Variants in NAE1 observed in about 807,000 individuals in gnomAD.
NAE1 encodes NEDD8 activating enzyme E1 subunit 1.
In NAE1, 59 loss-of-function variants were observed where a neutral mutation model predicts 88.0. The observed-to-expected ratio is 0.67, with a 90% CI of 0.54 to 0.83. NAE1 has a LOEUF of 0.83. Among genes scored for constraint, NAE1 ranks in the 40% least tolerant of loss-of-function variants. NAE1 has a pLI of 0.00. For synonymous variants in NAE1, 186 were observed against 208.9 expected, an observed-to-expected ratio of 0.89 and a Z score of 0.95; for missense variants, 554 against 632.8, an observed-to-expected ratio of 0.88 and a Z score of 1.34.
chr16:66,813,747 A>G (rs368237968), intron 12 of NAE1, 40 bp downstream of exon 12: 3 of 1,612,056 alleles, frequency 1.9e-6, no homozygotes, highest in African/African-American at 1.3e-5. Flanking sequence ...ACTTTGACCC[A>G]AAGTTTTAGC....
At chr16:66,809,524 G>A (rs778213316) in intron 15 of NAE1, among the ~76,000 whole-genome samples, 17 of 152,036 alleles carry the variant, frequency 1.1e-4, no homozygotes, top group Non-Finnish European at 2.2e-4. Context: ...TTTAAGCTTT[G>A]TATTATTGAA....
intron 13 of NAE1, among the ~76,000 whole-genome samples, chr16:66,811,881 T>C (rs911643753): frequency 2.6e-5 from 4 of 152,210 alleles, no homozygotes; most frequent in Admixed American, 2.6e-4. Flanking sequence ...GGTGACATGA[T>C]AAAGAGTGAA....
At chr16:66,809,888 C>G (rs759598714) in intron 15 of NAE1, among the ~76,000 whole-genome samples, 2 of 152,012 alleles carry the variant, frequency 1.3e-5, no homozygotes, top group Non-Finnish European at 2.9e-5. Context: ...AAAGAAAATG[C>G]TTTTGGCCTA....
In NAE1 at chr16:66,826,755, C is replaced by T; in HGVS notation, c.79G>A (p.Ala27Thr). 2 of 1,613,736 alleles carry T rather than the reference C, an allele frequency of 1.2e-6. No homozygotes were observed. The highest frequency in any genetic ancestry group is 1.1e-5 in the South Asian group (1 of 90,984). ...AGGCAAACATGAGCAGATTCTAAAG[C>T]CTCTTGCCCATGATCACCCCACAAC... ...LRLWGDHGQE[A>T]LESAHVCLIN... is the part of the protein sequence containing the mutation. The change falls in exon 2 of 20, where the codon GCT becomes ACT. Residue 27 changes from alanine to threonine, a missense_variant. Ala to Thr is a moderately conservative substitution (Grantham distance 58, BLOSUM62 0). Transcript: ENST00000290810.
At chr16:66,813,528 C>A (rs1567490749) in intron 13 of NAE1, 36 bp downstream of exon 13, 1 of 1,569,704 alleles carries the variant, frequency 6.4e-7, no homozygotes, top group Admixed American at 1.9e-5. Context: ...TATAATCAGA[C>A]TTTTTCTATT....
intron 1 of NAE1, among the ~76,000 whole-genome samples, chr16:66,827,154 A>T (rs1166076656): frequency 6.6e-6 from 1 of 152,140 alleles, no homozygotes; most frequent in Non-Finnish European, 1.5e-5. Context: ...TTTGAGACAG[A>T]GTCTTGCTCT....
chr16:66,825,904 G>A (rs1015197809), intron 3 of NAE1, among the ~76,000 whole-genome samples: 5 of 152,128 alleles, frequency 3.3e-5, no homozygotes, highest in Non-Finnish European at 7.3e-5. Context: ...AAAAAGCTGT[G>A]CTGTGCCTGG....
At chr16:66,815,706 G>C (rs1960013567) in intron 11 of NAE1, among the ~76,000 whole-genome samples, 1 of 147,946 alleles carries the variant, frequency 6.8e-6, no homozygotes, top group South Asian at 2.1e-4. Flanking sequence ...TTGTTGCCCA[G>C]GCTGGAGTAC....
At chr16:66,813,397 TC>T in intron 13 of NAE1, 166 bp downstream of exon 13, 1 of 788,716 alleles carries the variant, frequency 1.3e-6, no homozygotes, top group Non-Finnish European at 1.9e-6. Context: ...CACCTTGGCC[TC>T]CCAAAGTGTT....
chr16:66,817,003 TAC>T lies in NAE1; in HGVS notation c.708_709del (p.Tyr237Ter). 1 of 1,600,642 alleles carries T rather than the reference TAC, an allele frequency of 6.2e-7. No homozygotes were observed. Among genetic ancestry groups the T allele is most frequent in the Non-Finnish European group, 8.5e-7 (1 of 1,176,634 alleles). On this transcript the variant is annotated frameshift_variant, in exon 10 of 20. Coordinates refer to ENST00000290810, the MANE Select transcript of NAE1 (RefSeq NM_003905.4). LOFTEE classifies it high-confidence loss of function. The stretch of plus-strand genomic sequence containing the variant: ...ATCTCTGAAGTCCTCTTTTTCTTTA[TAC>T]GTTTTAGGTATTCGTCCATTTGTCT...
At chr16:66,824,956 C>T (rs1261765444) in intron 3 of NAE1, 71 bp from the exon 4 acceptor site, 6 of 1,331,782 alleles carry the variant, frequency 4.5e-6, no homozygotes, top group South Asian at 1.3e-5. Flanking sequence ...TTTGTAATAG[C>T]ATGCATATTT....
At chr16:66,825,686 C>T (rs764031058) in intron 3 of NAE1, among the ~76,000 whole-genome samples, 1 of 152,026 alleles carries the variant, frequency 6.6e-6, no homozygotes, top group Non-Finnish European at 1.5e-5. Flanking sequence ...TGTTTTTGCA[C>T]GTAACTGTAA....
intron 19 of NAE1, among the ~76,000 whole-genome samples, chr16:66,805,067 T>A (rs1273206213): frequency 6.6e-6 from 1 of 152,128 alleles, no homozygotes; most frequent in East Asian, 1.9e-4. Flanking sequence ...TTGAGTTGGG[T>A]CTTGAAGAAC....
At chr16:66,825,905 C>A (rs966282321) in intron 3 of NAE1, among the ~76,000 whole-genome samples, 1 of 152,160 alleles carries the variant, frequency 6.6e-6, no homozygotes, top group Non-Finnish European at 1.5e-5. Flanking sequence ...AAAAGCTGTG[C>A]TGTGCCTGGC....
intron 15 of NAE1, 62 bp downstream of exon 15, chr16:66,810,312 G>A: frequency 7.5e-7 from 1 of 1,336,634 alleles, no homozygotes; most frequent in Non-Finnish European, 1.1e-6. Context: ...AAATACCTGG[G>A]AACATTCCCT....
rs781725878 is a variant in NAE1, at chr16:66,817,476, A to G, written c.633T>C (p.His211=). The G allele has an allele frequency of 6.3e-6, 10 of 1,580,474 alleles. 1 individual carries two copies. In the South Asian group the frequency reaches 1.2e-4, roughly 19 times the overall value. The change falls in exon 9 of 20, where the codon CAT becomes CAC. Residue 211 remains histidine (H), a synonymous_variant. Transcript: ENST00000290810. Reference sequence around the variant, plus strand: ...TAGCTATGATCACAATCCATGGAGTATGACTGTGGTCCTAAAAATGAGAGA... The same window carrying G: ...TAGCTATGATCACAATCCATGGAGTGTGACTGTGGTCCTAAAAATGAGAGA... ...LDHMEKKDHS[H]TPWIVIIAKY...
intron 7 of NAE1, among the ~76,000 whole-genome samples, chr16:66,820,428 A>ATCATGCAGGCTTTG (rs1328385083): frequency 6.6e-6 from 1 of 152,190 alleles, no homozygotes; most frequent in Non-Finnish European, 1.5e-5. Context: ...TTGCACCTGA[A>ATCATGCAGGCTTTG]TTGAGAGAAC....
intron 13 of NAE1, among the ~76,000 whole-genome samples, chr16:66,811,758 A>C (rs988831613): frequency 1.3e-5 from 2 of 152,200 alleles, no homozygotes; most frequent in African/African-American, 4.8e-5. Context: ...ATCAGTGTTC[A>C]GGCTGACTAC....
Position 66,810,742 on chromosome 16 carries a change from GGCA to G in NAE1, c.1062_1064del (p.Ala356del). The G allele has an allele frequency of 1.2e-6, 2 of 1,614,068 alleles. No individual in the cohort carries two copies. The highest frequency in any genetic ancestry group is 1.7e-6 in the Non-Finnish European group (2 of 1,180,008). On this transcript the variant is annotated inframe_deletion, in exon 14 of 20. Coordinates refer to ENST00000290810, the MANE Select transcript of NAE1 (RefSeq NM_003905.4). ...ATTTGGCAACATGATTACCCACAGC[GGCA>G]GCATCTTTCTTTGCTTTTTCACGGT...
Sources: allele counts gnomAD v4.1 joint callset (sites outside exome capture counted in the v4.1 genomes callset), GRCh38; gene constraint gnomAD v4.1.1; transcripts MANE v1.5; gene names NCBI Gene and HGNC (gene_info 2026-07-23, HGNC 2026-07-21).